MACROD2: variants seen among roughly 807,000 people sequenced by gnomAD.
MACROD2 encodes mono-ADP ribosylhydrolase 2.
In MACROD2, 36 loss-of-function variants were observed where a neutral mutation model predicts 70.4. The ratio of observed to expected loss-of-function variants is 0.51; its 90% CI spans 0.39 to 0.68. MACROD2 has a LOEUF of 0.68. Among genes scored for constraint, MACROD2 ranks in the 30% least tolerant of loss-of-function variants. The probability of loss-of-function intolerance (pLI) is 0.00; values close to 1 mark genes in which losing one functional copy is unlikely to be tolerated. For synonymous variants in MACROD2, 172 were observed against 178.8 expected, an observed-to-expected ratio of 0.96 and a Z score of 0.30; for missense variants, 496 against 538.4, an observed-to-expected ratio of 0.92 and a Z score of 0.78.
At chr20:15,592,662 C>T (rs1192164769) in intron 8 of MACROD2, among the ~76,000 whole-genome samples, 1 of 152,140 alleles carries the variant, frequency 6.6e-6, no homozygotes, top group East Asian at 1.9e-4. Context: ...AGCAAGAGAA[C>T]AAAGTAAATA....
chr20:15,423,425 G>T (rs536927522), intron 6 of MACROD2, among the ~76,000 whole-genome samples: 3 of 152,226 alleles, frequency 2.0e-5, no homozygotes, highest in Admixed American at 6.5e-5. Context: ...GCGGGATGAA[G>T]AAAAATATAT....
intron 3 of MACROD2, among the ~76,000 whole-genome samples, chr20:14,424,889 A>G (rs2083916716): frequency 6.6e-6 from 1 of 152,216 alleles, no homozygotes; most frequent in African/African-American, 2.4e-5. Flanking sequence ...AGGAACTATA[A>G]TATTTAATGA....
intron 4 of MACROD2, among the ~76,000 whole-genome samples, chr20:14,607,767 G>T (rs769226352): frequency 2.0e-5 from 3 of 152,106 alleles, no homozygotes; most frequent in Non-Finnish European, 4.4e-5. Context: ...TTGTGAGATT[G>T]TAACACAATA....
intron 6 of MACROD2, among the ~76,000 whole-genome samples, chr20:15,249,702 C>A (rs1213585203): frequency 6.6e-6 from 1 of 152,184 alleles, no homozygotes; most frequent in African/African-American, 2.4e-5. Context: ...ATGCAACGTT[C>A]CTTTTCTTGA....
intron 6 of MACROD2, among the ~76,000 whole-genome samples, chr20:15,366,975 A>G (rs1156921702): frequency 6.6e-6 from 1 of 151,738 alleles, no homozygotes; most frequent in Non-Finnish European, 1.5e-5. Context: ...ATCTATTAAC[A>G]GTTTCCTTGT....
At chr20:14,501,066 A>G (rs1364081919) in intron 4 of MACROD2, among the ~76,000 whole-genome samples, 1 of 151,844 alleles carries the variant, frequency 6.6e-6, no homozygotes, top group Non-Finnish European at 1.5e-5. Context: ...CAAACTTCAG[A>G]AATGCTTTTA....
At chr20:15,470,555 G>A (rs573626686) in intron 7 of MACROD2, among the ~76,000 whole-genome samples, 8 of 152,212 alleles carry the variant, frequency 5.3e-5, no homozygotes, top group Admixed American at 3.9e-4. Flanking sequence ...GGCATCCCTT[G>A]CACTTCCGGG....
At chr20:14,992,069 T>C (rs1378131433) in intron 5 of MACROD2, among the ~76,000 whole-genome samples, 4 of 152,186 alleles carry the variant, frequency 2.6e-5, no homozygotes, top group Non-Finnish European at 5.9e-5. Flanking sequence ...CTACAAATTA[T>C]AGTAAGAGCT....
rs142643695 is a variant in MACROD2, at chr20:14,661,121, C to T, written c.302-23722C>T. On this transcript the variant is annotated intron_variant, in intron 4 of 17. Transcript: ENST00000684519. ...TTCTGTTTCTAGTTCTTTGAGAGAT[C>T]TCCAAATGGCTTTCTACAGGGGCTG... is the stretch of plus-strand genomic sequence containing the variant. Among the ~76,000 whole-genome samples the T allele has an allele frequency of 1.9e-4, 29 of 152,124 alleles. No homozygotes were observed. The East Asian group carries it at 5.6e-3, about 30-fold the overall frequency.
intron 3 of MACROD2, among the ~76,000 whole-genome samples, chr20:14,306,546 T>C (rs867955302): frequency 1.3e-5 from 2 of 152,254 alleles, no homozygotes. Context: ...ATATAAATCA[T>C]ACAGGATTAT....
chr20:15,725,007 G>A (rs1444635050), intron 8 of MACROD2, among the ~76,000 whole-genome samples: 2 of 152,040 alleles, frequency 1.3e-5, no homozygotes, highest in South Asian at 2.1e-4. Context: ...ACGTGAATCC[G>A]GGAGGCGGAG....
intron 5 of MACROD2, among the ~76,000 whole-genome samples, chr20:14,931,912 G>T (rs528476165): frequency 1.3e-5 from 2 of 151,626 alleles, no homozygotes; most frequent in African/African-American, 4.9e-5. Flanking sequence ...TGAGCTGGGA[G>T]GATCACTTCA....
chr20:14,623,188 T>C (rs776416573), intron 4 of MACROD2, among the ~76,000 whole-genome samples: 1 of 152,160 alleles, frequency 6.6e-6, no homozygotes, highest in Non-Finnish European at 1.5e-5. Context: ...TTTTTTTGTT[T>C]TTTTTTTCTC....
At chr20:14,001,121 TC>T (rs1438558091) in intron 1 of MACROD2, among the ~76,000 whole-genome samples, 2 of 152,122 alleles carry the variant, frequency 1.3e-5, no homozygotes, top group African/African-American at 2.4e-5. Flanking sequence ...TAGGGTGTAG[TC>T]TTTGATTAAT....
intron 5 of MACROD2, chr20:14,757,883 C>G: frequency 7.0e-7 from 1 of 1,433,518 alleles, no homozygotes; most frequent in Non-Finnish European, 9.8e-7. Flanking sequence ...GCCTAAAGGT[C>G]TGAAGGGTGA....
At chr20:14,487,266 A>G (rs1293262847) in intron 3 of MACROD2, among the ~76,000 whole-genome samples, 1 of 151,852 alleles carries the variant, frequency 6.6e-6, no homozygotes, top group African/African-American at 2.4e-5. Flanking sequence ...CATTCATGTA[A>G]GTTATCACTT....
intron 3 of MACROD2, among the ~76,000 whole-genome samples, chr20:14,253,683 C>A (rs1378558232): frequency 6.6e-6 from 1 of 152,076 alleles, no homozygotes; most frequent in Non-Finnish European, 1.5e-5. Flanking sequence ...GAATGTTTAT[C>A]ATCAAGGGGT....
At chr20:15,509,998 A>G (rs1212403805) in intron 8 of MACROD2, among the ~76,000 whole-genome samples, 1 of 152,188 alleles carries the variant, frequency 6.6e-6, no homozygotes, top group Non-Finnish European at 1.5e-5. Flanking sequence ...TGCTGTCTGT[A>G]TGCCTTTAAG....
At chr20:15,399,756 C>T (rs986095174) in intron 6 of MACROD2, among the ~76,000 whole-genome samples, 1 of 152,208 alleles carries the variant, frequency 6.6e-6, no homozygotes, top group Middle Eastern at 3.2e-3. Flanking sequence ...TTGTGATTGG[C>T]TTTTTCTTGC....
Sources: allele counts gnomAD v4.1 joint callset (sites outside exome capture counted in the v4.1 genomes callset), GRCh38; gene constraint gnomAD v4.1.1; transcripts MANE v1.5; gene names NCBI Gene and HGNC (gene_info 2026-07-23, HGNC 2026-07-21).